PITPNC1: variants seen among roughly 807,000 people sequenced by gnomAD.
The protein encoded by PITPNC1 is phosphatidylinositol transfer protein cytoplasmic 1, also known as cytoplasmic phosphatidylinositol transfer protein 1.
A neutral mutation model predicts 44.7 loss-of-function variants in PITPNC1; 18 were observed. That is an observed-to-expected ratio of 0.40 (90% CI 0.28 to 0.60). The LOEUF (loss-of-function observed/expected upper bound fraction) is 0.60, where lower values mean the gene tolerates loss of function less well. Among genes scored for constraint, PITPNC1 ranks in the 20% least tolerant of loss-of-function variants. PITPNC1 has a pLI of 0.39. For missense variants in PITPNC1, 290 were observed against 418.4 expected, an observed-to-expected ratio of 0.69 and a Z score of 2.68; for synonymous variants, 141 against 149.6, an observed-to-expected ratio of 0.94 and a Z score of 0.42.
intron 1 of PITPNC1, among the ~76,000 whole-genome samples, chr17:67,465,208 C>T (rs1383299185): frequency 6.6e-6 from 1 of 152,118 alleles, no homozygotes; most frequent in East Asian, 1.9e-4. Flanking sequence ...GTGATCGGTC[C>T]CCAGAGGCCA....
intron 3 of PITPNC1, 111 bp downstream of exon 3, chr17:67,552,456 G>C: frequency 1.5e-6 from 1 of 679,190 alleles, no homozygotes. Context: ...TGGGAGCCCC[G>C]TAGTATCCCT....
At chr17:67,518,427 A>T (rs532398011) in intron 1 of PITPNC1, among the ~76,000 whole-genome samples, 1 of 147,312 alleles carries the variant, frequency 6.8e-6, no homozygotes, top group Non-Finnish European at 1.5e-5. Flanking sequence ...TCAGTGTTTA[A>T]TCAGGACCCT....
At chr17:67,554,519 A>C (rs1258781210) in intron 4 of PITPNC1, among the ~76,000 whole-genome samples, 2 of 152,110 alleles carry the variant, frequency 1.3e-5, no homozygotes. Flanking sequence ...TGGCTTCCCA[A>C]AGTGTTGGGA....
chr17:67,602,122 C>T (rs11657843), intron 5 of PITPNC1, among the ~76,000 whole-genome samples: 20 of 152,220 alleles, frequency 1.3e-4, no homozygotes, highest in African/African-American at 4.6e-4. Flanking sequence ...TGGCGTTTTC[C>T]CAGCTGTGCT....
At chr17:67,616,797 C>T (rs139253892) in intron 5 of PITPNC1, among the ~76,000 whole-genome samples, 2 of 152,350 alleles carry the variant, frequency 1.3e-5, no homozygotes, top group East Asian at 3.9e-4. Context: ...CAGGCAGCCT[C>T]TGCTTTTTCA....
intron 6 of PITPNC1, among the ~76,000 whole-genome samples, chr17:67,647,852 T>C (rs117146191): frequency 5.3e-5 from 8 of 152,220 alleles, no homozygotes; most frequent in Non-Finnish European, 8.8e-5. Context: ...TCCACAGATC[T>C]GAGGACCCCA....
At chr17:67,593,587 C>T (rs1201193234) in intron 5 of PITPNC1, among the ~76,000 whole-genome samples, 2 of 152,092 alleles carry the variant, frequency 1.3e-5, no homozygotes, top group Middle Eastern at 3.4e-3. Flanking sequence ...TTAGTAGAGA[C>T]GAGGTTTCAC....
chr17:67,413,862 C>T (rs2038546861), intron 1 of PITPNC1, among the ~76,000 whole-genome samples: 2 of 152,208 alleles, frequency 1.3e-5, no homozygotes, highest in East Asian at 1.9e-4. Context: ...TCCAAGAACT[C>T]AGACCAACTT....
intron 1 of PITPNC1, among the ~76,000 whole-genome samples, chr17:67,491,346 C>T (rs1014015695): frequency 3.3e-5 from 5 of 152,318 alleles, no homozygotes; most frequent in South Asian, 2.1e-4. Context: ...GTCACAATGC[C>T]GGGCCGTTCA....
intron 5 of PITPNC1, among the ~76,000 whole-genome samples, chr17:67,606,593 T>G (rs1371749987): frequency 6.6e-6 from 1 of 152,182 alleles, no homozygotes; most frequent in Non-Finnish European, 1.5e-5. Flanking sequence ...TGTGTCTCCA[T>G]CTCAGAAACC....
At chr17:67,624,214 C>CTTTTTTTTTTTTTTTTTTT (rs71139163) in intron 5 of PITPNC1, among the ~76,000 whole-genome samples, 5 of 127,118 alleles carry the variant, frequency 3.9e-5, no homozygotes, top group Non-Finnish European at 6.3e-5. Flanking sequence ...TCTTTCTTTT[C>CTTTTTTTTTTTTTTTTTTT]TTTTTTTTTT....
At chr17:67,489,726 T>G (rs1027162773) in intron 1 of PITPNC1, among the ~76,000 whole-genome samples, 1 of 152,158 alleles carries the variant, frequency 6.6e-6, no homozygotes, top group Non-Finnish European at 1.5e-5. Flanking sequence ...GTCTGTTGTC[T>G]TTTTGGTTAT....
chr17:67,460,705 G>A (rs374678019), intron 1 of PITPNC1, among the ~76,000 whole-genome samples: 16 of 148,250 alleles, frequency 1.1e-4, no homozygotes, highest in East Asian at 1.0e-3. Context: ...ATGAGCCACC[G>A]TGCCCGGCCC....
chr17:67,452,603 C>T (rs2039198636), intron 1 of PITPNC1, among the ~76,000 whole-genome samples: 1 of 151,346 alleles, frequency 6.6e-6, no homozygotes. Context: ...AGTGATTCAC[C>T]TGCCTCAGCC....
rs2041469202 is a variant in PITPNC1, at chr17:67,597,057, C to CTAATTTTT, written c.366+18810_366+18817dup. ...TATAGGCACTTGCCACCATGCTCGC[C>CTAATTTTT]TAATTTTTTAATTTTTTGTAGAGAT... On this transcript the variant is annotated intron_variant, in intron 5 of 8. Transcript: ENST00000581322. This position sits in a 1 kb window ranked among gnomAD's most constrained non-coding sequence, Gnocchi z 4.0. 6.6e-6 allele frequency among the ~76,000 whole-genome samples: 1 copy of CTAATTTTT among 152,030 alleles called. No individual in the cohort carries two copies. The highest frequency in any genetic ancestry group is 1.5e-5 in the Non-Finnish European group (1 of 67,998).
chr17:67,678,790 T>G (rs55682937), intron 8 of PITPNC1, among the ~76,000 whole-genome samples: 25,062 of 152,214 alleles, frequency 0.16, 2,095 homozygotes, highest in Middle Eastern at 0.26. Context: ...CCACTCCATT[T>G]TGGGGTACCT....
chr17:67,412,858 G>T (rs774443017), intron 1 of PITPNC1, among the ~76,000 whole-genome samples: 1 of 152,164 alleles, frequency 6.6e-6, no homozygotes, highest in Non-Finnish European at 1.5e-5. Flanking sequence ...GAGCCACCGC[G>T]CCCGGCCTTC....
chr17:67,428,969 T>C (rs2038815250), intron 1 of PITPNC1, among the ~76,000 whole-genome samples: 1 of 121,754 alleles, frequency 8.2e-6, no homozygotes, highest in Non-Finnish European at 1.8e-5. Context: ...GCCTCCCGAG[T>C]AGCTGGGATT....
At chr17:67,684,229 A>C (rs548485817) in intron 8 of PITPNC1, among the ~76,000 whole-genome samples, 1 of 150,006 alleles carries the variant, frequency 6.7e-6, no homozygotes, top group South Asian at 2.1e-4. Flanking sequence ...CTTGTACCTC[A>C]GCCTCCTGAG....
Sources: allele counts gnomAD v4.1 joint callset (sites outside exome capture counted in the v4.1 genomes callset), GRCh38; gene constraint gnomAD v4.1.1; non-coding constraint Gnocchi (gnomAD v3.1); transcripts MANE v1.5; gene names NCBI Gene and HGNC (gene_info 2026-07-23, HGNC 2026-07-21).